The following FRMD8 variants were observed in gnomAD, a reference collection of about 807,000 sequenced individuals.
FRMD8 encodes the protein FERM domain-containing protein 8.
A neutral mutation model predicts 54.2 loss-of-function variants in FRMD8; 37 were observed. The ratio of observed to expected loss-of-function variants is 0.68; its 90% confidence interval spans 0.53 to 0.90. The LOEUF is 0.90. Ranked by LOEUF, FRMD8 falls within the 40% of genes least tolerant of loss-of-function variation. The probability of loss-of-function intolerance (pLI) is 0.00; values close to 1 mark genes in which losing one functional copy is unlikely to be tolerated. For synonymous variants in FRMD8, 246 were observed against 286.9 expected (o/e 0.86, Z 1.44); for missense variants, 585 against 653.7 (o/e 0.89, Z 1.15).
Position 65,389,394 on chromosome 11 carries a change from C to T in FRMD8, c.119C>T (p.Thr40Met), listed in dbSNP as rs200245458. 2.3e-5 allele frequency: 37 copies of T among 1,610,686 alleles called. 2 individuals are homozygous for T. The highest frequency in any genetic ancestry group is 1.2e-4 in the South Asian group (11 of 91,090). The change falls in exon 3 of 11, where the codon ACG becomes ATG. Residue 40 changes from threonine to methionine, a missense_variant. Transcript: ENST00000317568. The stretch of plus-strand genomic sequence containing the variant: ...GTGCTGGTATACCTAGCGGATGACA[C>T]GGTGGTGCCCCTGGCTGTGGAGAAC... Reference protein sequence around the residue: ...ADVLVYLADDTVVPLAVENLP... With the variant: ...ADVLVYLADDMVVPLAVENLP...
chr11:65,370,248 C>T, the FRMD8 span, among the ~76,000 whole-genome samples: 10 of 150,252 alleles, frequency 6.7e-5, no homozygotes, highest in African/African-American at 1.2e-4. Flanking sequence ...CATGTGCAAA[C>T]GTCTTGTGGT....
upstream of FRMD8, among the ~76,000 whole-genome samples, chr11:65,386,038 C>T (rs990422729): frequency 1.4e-4 from 22 of 151,890 alleles, no homozygotes; most frequent in Non-Finnish European, 2.8e-4. Flanking sequence ...CCTCGTGATC[C>T]GCCCGCCTCG....
At chr11:65,392,253 G>C (rs556283901) in intron 3 of FRMD8, among the ~76,000 whole-genome samples, 1 of 152,294 alleles carries the variant, frequency 6.6e-6, no homozygotes, top group South Asian at 2.1e-4. Context: ...AAGGGGGCCC[G>C]TGTGGAGCTG....
chr11:65,380,581 C>T, the FRMD8 span: 12 of 1,298,964 alleles, frequency 9.2e-6, no homozygotes, highest in East Asian at 5.4e-5. Context: ...ATGTCGTCGC[C>T]GGGATCCAGA....
intron 10 of FRMD8, among the ~76,000 whole-genome samples, chr11:65,409,334 G>A (rs1196307306): frequency 6.6e-6 from 1 of 151,888 alleles, no homozygotes; most frequent in Non-Finnish European, 1.5e-5. Context: ...TGATCTGTCC[G>A]CCTCAGCCTC....
At chr11:65,394,902 C>T (rs1201427815) in intron 6 of FRMD8, among the ~76,000 whole-genome samples, 4 of 152,226 alleles carry the variant, frequency 2.6e-5, no homozygotes, top group Non-Finnish European at 4.4e-5. Flanking sequence ...CTGCCAAAGC[C>T]CAGGCCGGTC....
intron 6 of FRMD8, among the ~76,000 whole-genome samples, 183 bp downstream of exon 6, chr11:65,394,608 C>G (rs1343648474): frequency 6.6e-6 from 1 of 152,236 alleles, no homozygotes; most frequent in East Asian, 1.9e-4. Flanking sequence ...CTTTTCCTCA[C>G]CTGTCCTGGG....
intron 10 of FRMD8, among the ~76,000 whole-genome samples, chr11:65,406,011 A>T (rs116312632): frequency 0.06 from 9,010 of 150,290 alleles, 332 homozygotes; most frequent in East Asian, 0.13. Flanking sequence ...ATATATATAT[A>T]TTTTTTTTAA....
At chr11:65,383,978 A>G (rs681309), upstream of FRMD8, among the ~76,000 whole-genome samples, 60,903 of 151,836 alleles carry the variant, frequency 0.4, 15,527 homozygotes, top group Non-Finnish European at 0.56. Flanking sequence ...TTGTTTGCCA[A>G]AGTAGGACAG....
chr11:65,373,839 C>T, the FRMD8 span, among the ~76,000 whole-genome samples: 2 of 152,156 alleles, frequency 1.3e-5, no homozygotes, highest in East Asian at 1.9e-4. Context: ...CCTCCTGCCT[C>T]GGCCTCCTAA....
At chr11:65,382,435 T>G (rs557777), upstream of FRMD8, 177,803 of 180,640 alleles carry the variant, frequency 0.98, 87,584 homozygotes, top group East Asian at 1. This position sits in a 1 kb window ranked among gnomAD's most constrained non-coding sequence, Gnocchi z 4.4. Flanking sequence ...CCAGCCCGCA[T>G]TTGCCGCTGC....
At chr11:65,407,777 G>T (rs1336116492) in intron 10 of FRMD8, among the ~76,000 whole-genome samples, 1 of 151,394 alleles carries the variant, frequency 6.6e-6, no homozygotes, top group Non-Finnish European at 1.5e-5. Context: ...GGTGCCTGTA[G>T]TCCCAGCTAC....
upstream of FRMD8, chr11:65,386,482 C>T (rs1408237194): frequency 6.5e-6 from 1 of 153,304 alleles, no homozygotes; most frequent in East Asian, 1.9e-4. Context: ...GGGGCTGGTA[C>T]GTGACGCGGC....
intron 3 of FRMD8, among the ~76,000 whole-genome samples, chr11:65,390,108 G>A (rs970837587): frequency 1.3e-5 from 2 of 152,156 alleles, no homozygotes; most frequent in South Asian, 4.1e-4. Flanking sequence ...GGTGGGAAGA[G>A]TAGAGACTTG....
At chr11:65,373,985 G>C in the FRMD8 span, among the ~76,000 whole-genome samples, 1 of 152,076 alleles carries the variant, frequency 6.6e-6, no homozygotes, top group South Asian at 2.1e-4. Context: ...TCAGGATGAA[G>C]CTTGCTAAAC....
intron 6 of FRMD8, among the ~76,000 whole-genome samples, chr11:65,396,288 G>A (rs1855952409): frequency 2.0e-5 from 3 of 152,206 alleles, no homozygotes; most frequent in Admixed American, 1.3e-4. Context: ...GTGCAGGAAG[G>A]TGGGGCCCGG....
At chr11:65,408,900 G>A (rs967731428) in intron 10 of FRMD8, among the ~76,000 whole-genome samples, 2 of 151,784 alleles carry the variant, frequency 1.3e-5, no homozygotes, top group African/African-American at 2.4e-5. Flanking sequence ...TGTGAGCACC[G>A]TGCCTGGCCG....
At chr11:65,370,261 G>A in the FRMD8 span, among the ~76,000 whole-genome samples, 4 of 151,064 alleles carry the variant, frequency 2.6e-5, no homozygotes, top group East Asian at 7.8e-4. Context: ...CTTGTGGTGG[G>A]AGGGAGCCTG....
At chr11:65,374,925 C>T in the FRMD8 span, among the ~76,000 whole-genome samples, 1 of 151,832 alleles carries the variant, frequency 6.6e-6, no homozygotes, top group African/African-American at 2.4e-5. Context: ...TATAATGGCA[C>T]CACTGCACTC....
Sources: allele counts gnomAD v4.1 joint callset (sites outside exome capture counted in the v4.1 genomes callset), GRCh38; gene constraint gnomAD v4.1.1; non-coding constraint Gnocchi (gnomAD v3.1); transcripts MANE v1.5; gene names NCBI Gene and HGNC (gene_info 2026-07-23, HGNC 2026-07-21).